The following SIPA1L2 variants were observed in gnomAD, a reference collection of about 807,000 sequenced individuals.
SIPA1L2 encodes the protein signal-induced proliferation-associated 1-like protein 2.
Under a neutral mutation model 163.9 loss-of-function variants are expected in SIPA1L2, and 56 were observed. The ratio of observed to expected loss-of-function variants is 0.34; its 90% CI spans 0.28 to 0.43. The LOEUF (loss-of-function observed/expected upper bound fraction) is 0.43. SIPA1L2 is among the 20% of genes least tolerant of loss of function. The pLI is 1.00. For missense variants in SIPA1L2, 1,974 were observed against 2,193.5 expected, an observed-to-expected ratio of 0.90 and a Z score of 2.00; for synonymous variants, 877 against 865.7, an observed-to-expected ratio of 1.01 and a Z score of -0.23.
chr1:232,616,208 G>T (rs1573180328), intron 1 of SIPA1L2, among the ~76,000 whole-genome samples: 2 of 152,186 alleles, frequency 1.3e-5, no homozygotes, highest in South Asian at 2.1e-4. Context: ...TTATCCTACA[G>T]TAGAGAGGAA....
rs56208215 is a variant in SIPA1L2 at position 232,608,047 on chromosome 1, C to CAA, written c.-319+21820_-319+21821dup. ...GGGCAACAAGAGCGAAACTCCATCTCAAAAAAAAAAAAAAAAAAAAAACGA... is the reference window on the plus strand; with the variant it reads ...GGGCAACAAGAGCGAAACTCCATCTCAAAAAAAAAAAAAAAAAAAAAAAACGA... On this transcript the variant is annotated intron_variant, in intron 1 of 22. Transcript: ENST00000674635. Among the ~76,000 whole-genome samples, 87 of 67,468 alleles carry CAA rather than the reference C, an allele frequency of 1.3e-3. 1 individual carries two copies. Among genetic ancestry groups the CAA allele is most frequent in the African/African-American group, 4.6e-3 (68 of 14,794 alleles). The allele number at this position is 67,468 out of a possible 152,430, so 44.3% of individuals were successfully genotyped here.
intron 15 of SIPA1L2, among the ~76,000 whole-genome samples, chr1:232,432,858 G>A (rs559032757): frequency 6.6e-6 from 1 of 152,158 alleles, no homozygotes; most frequent in Non-Finnish European, 1.5e-5. Flanking sequence ...CAATGGAATA[G>A]CATTACATAC....
chr1:232,595,966 GC>G (rs1661236444), intron 1 of SIPA1L2, among the ~76,000 whole-genome samples: 1 of 152,118 alleles, frequency 6.6e-6, no homozygotes, highest in African/African-American at 2.4e-5. Flanking sequence ...GAGTTCCACT[GC>G]CCATAGAGCT....
At chr1:232,585,802 G>A (rs1462109481) in intron 1 of SIPA1L2, among the ~76,000 whole-genome samples, 1 of 152,150 alleles carries the variant, frequency 6.6e-6, no homozygotes, top group Non-Finnish European at 1.5e-5. Context: ...AGGGCTTATA[G>A]CAACAGCAGA....
intron 4 of SIPA1L2, among the ~76,000 whole-genome samples, chr1:232,492,478 T>C (rs953545767): frequency 1.3e-5 from 2 of 152,176 alleles, no homozygotes; most frequent in East Asian, 3.8e-4. Flanking sequence ...CCTGAGTAGC[T>C]GGGACAATAG....
chr1:232,515,155 C>A lies in SIPA1L2; in HGVS notation c.185G>T (p.Gly62Val). 1 of 1,614,030 alleles carries A rather than the reference C, an allele frequency of 6.2e-7. No homozygotes were observed. Among genetic ancestry groups the A allele is most frequent in the South Asian group, 1.1e-5 (1 of 91,070 alleles). Residue 62 changes from glycine to valine, a missense_variant, in exon 3 of 23, where the codon GGT becomes GTT. Gly to Val is a moderately radical substitution (Grantham distance 109). Around this residue, in one of 3 missense-constraint regions of SIPA1L2, gnomAD observed 607 missense variants for 624.0 expected, o/e 0.97. Transcript: ENST00000674635. ...AGCTGGGGTACCATTAGCCGGACCA[C>A]CACCGCCAGTCTCATTGGAATTCGA... ...NASNSNETGG[G>V]GPANGTPAVP...
At chr1:232,610,668 C>G (rs928648563) in intron 1 of SIPA1L2, among the ~76,000 whole-genome samples, 1 of 152,106 alleles carries the variant, frequency 6.6e-6, no homozygotes, top group Admixed American at 6.5e-5. Flanking sequence ...GGCACCTGGG[C>G]CTGACACTAG....
At chr1:232,552,749 A>G (rs1412674241) in intron 2 of SIPA1L2, among the ~76,000 whole-genome samples, 1 of 152,248 alleles carries the variant, frequency 6.6e-6, no homozygotes, top group Non-Finnish European at 1.5e-5. Flanking sequence ...AAGAAATAAC[A>G]TTCATGAAAT....
At chr1:232,476,233 C>T (rs913602148) in intron 7 of SIPA1L2, among the ~76,000 whole-genome samples, 1 of 152,176 alleles carries the variant, frequency 6.6e-6, no homozygotes. Flanking sequence ...AACATCATTA[C>T]CTCTTTGGTG....
rs2102904334 is a variant in SIPA1L2 at position 232,629,979 on chromosome 1, ACT to A, written c.-431_-430del. Among the ~76,000 whole-genome samples, 1 of 148,770 alleles carries A rather than the reference ACT, an allele frequency of 6.7e-6. No individual in the cohort carries two copies. The highest frequency in any genetic ancestry group is 2.1e-4 in the South Asian group (1 of 4,716). ...TGCCCGGGGCTGCCCATCGGCCCGG[ACT>A]CTCCCCGCGCCGGGCTCCGGCGGAG... On this transcript the variant is annotated 5_prime_UTR_variant, in exon 1 of 23. Coordinates refer to ENST00000674635, the MANE Select transcript of SIPA1L2 (RefSeq NM_020808.5).
rs1660174553 is a variant in SIPA1L2, at chr1:232,399,027, C to A, written c.*100G>T. On this transcript the variant is annotated 3_prime_UTR_variant, in exon 23 of 23. Transcript: ENST00000674635. The stretch of plus-strand genomic sequence containing the variant: ...GCTACACAGAATGGAACAGCAAAAA[C>A]ATCTACGATTGGTTGAAAGCACACA... 6.6e-7 allele frequency: 1 copy of A among 1,524,898 alleles called. No individual in the cohort carries two copies. Among genetic ancestry groups the A allele is most frequent in the Non-Finnish European group, 8.9e-7 (1 of 1,122,708 alleles). 94.5% of individuals were successfully genotyped at this position (1,524,898 alleles called of 1,614,324 possible). A position where few individuals can be genotyped will look rare whatever the true frequency, so the allele number is the denominator to read the frequency against.
chr1:232,567,979 T>A (rs1250385172), intron 2 of SIPA1L2, among the ~76,000 whole-genome samples: 1 of 152,238 alleles, frequency 6.6e-6, no homozygotes, highest in Non-Finnish European at 1.5e-5. Context: ...TCCAGACAGC[T>A]GAACACATGA....
chr1:232,577,456 A>G (rs532553295), intron 1 of SIPA1L2, among the ~76,000 whole-genome samples: 23 of 152,310 alleles, frequency 1.5e-4, no homozygotes, highest in Non-Finnish European at 2.2e-4. Flanking sequence ...AGTAAATCTG[A>G]CTTTTAAATT....
intron 19 of SIPA1L2, among the ~76,000 whole-genome samples, chr1:232,404,828 G>C (rs996151907): frequency 6.6e-6 from 1 of 152,110 alleles, no homozygotes; most frequent in African/African-American, 2.4e-5. Context: ...TCTATTCCAT[G>C]ATCAATTCAC....
chr1:232,573,782 G>A (rs1488217119), intron 2 of SIPA1L2, among the ~76,000 whole-genome samples: 5 of 152,038 alleles, frequency 3.3e-5, no homozygotes, highest in African/African-American at 9.7e-5. Flanking sequence ...CATCCTATTC[G>A]GGGAGAGAAG....
chr1:232,441,980 A>T, intron 12 of SIPA1L2, 112 bp from the exon 13 acceptor site: 3 of 825,302 alleles, frequency 3.6e-6, no homozygotes, highest in Non-Finnish European at 5.6e-6. Flanking sequence ...CCTATCCAGG[A>T]GCTGGTTTTC....
intron 6 of SIPA1L2, among the ~76,000 whole-genome samples, chr1:232,480,260 T>C (rs1000456784): frequency 2.0e-5 from 3 of 152,012 alleles, no homozygotes; most frequent in African/African-American, 7.3e-5. Context: ...GAAATAGGAT[T>C]GATTGAATAT....
At chr1:232,457,637 T>C (rs1009545007) in intron 10 of SIPA1L2, among the ~76,000 whole-genome samples, 1 of 152,228 alleles carries the variant, frequency 6.6e-6, no homozygotes, top group Non-Finnish European at 1.5e-5. Flanking sequence ...TGTGTTGCTA[T>C]ATGGTTAACA....
At chr1:232,470,393 T>C (rs180769337) in intron 8 of SIPA1L2, among the ~76,000 whole-genome samples, 6 of 152,288 alleles carry the variant, frequency 3.9e-5, no homozygotes, top group Admixed American at 3.3e-4. Flanking sequence ...GGGTAAGAAC[T>C]GATGGTTTTC....
Sources: gnomAD v4.1 joint callset for allele counts (sites outside exome capture counted in the v4.1 genomes callset) on GRCh38, gnomAD v4.1.1 for gene constraint, gnomAD v4.1.1 regional missense constraint, MANE v1.5 for transcripts, NCBI Gene and HGNC (gene_info 2026-07-23, HGNC 2026-07-21) for gene names.